CSMD1: variants seen among roughly 807,000 people sequenced by gnomAD.
CSMD1 encodes CUB and Sushi multiple domains 1.
Under a neutral mutation model 417.5 loss-of-function variants are expected in CSMD1, and 213 were observed. That is an observed-to-expected ratio of 0.51 (90% CI 0.46 to 0.57). CSMD1 has a LOEUF of 0.57. Ranked by LOEUF, CSMD1 falls within the 20% of genes least tolerant of loss-of-function variation. The pLI is 0.00. For synonymous variants in CSMD1, 2,862 were observed against 1,736.8 expected (o/e 1.65, Z -16.11); for missense variants, 6,923 against 4,529.7 (o/e 1.53, Z -15.17).
chr8:4,093,937 G>A (rs1231471931), intron 3 of CSMD1, among the ~76,000 whole-genome samples: 2 of 151,594 alleles, frequency 1.3e-5, no homozygotes, highest in East Asian at 3.9e-4. Flanking sequence ...TCCAACCTGA[G>A]CAAAAGAGTG....
intron 3 of CSMD1, among the ~76,000 whole-genome samples, chr8:4,356,440 A>G (rs1447190338): frequency 6.6e-6 from 1 of 152,186 alleles, no homozygotes; most frequent in African/African-American, 2.4e-5. Context: ...ACATGCATGT[A>G]CAAGTATCCT....
chr8:4,620,585 A>C (rs530727291), intron 2 of CSMD1, among the ~76,000 whole-genome samples: 2 of 151,988 alleles, frequency 1.3e-5, no homozygotes, highest in Non-Finnish European at 2.9e-5. Context: ...AGTAGAATTA[A>C]ACGAGAATCT....
Position 2,938,460 on chromosome 8 carries a change from A to T in CSMD1, c.*125T>A. The T allele has an allele frequency of 2.3e-6, 2 of 886,098 alleles. No homozygotes were observed. Among genetic ancestry groups the T allele is most frequent in the Non-Finnish European group, 1.7e-6 (1 of 585,552 alleles). 54.9% of individuals were successfully genotyped at this position (886,098 alleles called of 1,614,324 possible). On this transcript the variant is annotated 3_prime_UTR_variant, in exon 70 of 70. Transcript: ENST00000635120. ...AGATCCCCGCTGCACTTATGCCAGT[A>T]GACAAGGTTGAAGATCGCTGCAGTA...
At chr8:3,208,837 T>G (rs1797444831) in intron 30 of CSMD1, among the ~76,000 whole-genome samples, 1 of 152,158 alleles carries the variant, frequency 6.6e-6, no homozygotes, top group African/African-American at 2.4e-5. Context: ...TTCTTGCCCC[T>G]GAACGTCAAA....
At chr8:3,454,540 T>C (rs556170568) in intron 12 of CSMD1, among the ~76,000 whole-genome samples, 1 of 152,342 alleles carries the variant, frequency 6.6e-6, no homozygotes, top group East Asian at 1.9e-4. Context: ...TTTGCTTGTC[T>C]GTAAAGGATT....
chr8:3,617,973 TA>T (rs1584968554), intron 7 of CSMD1, among the ~76,000 whole-genome samples: 1 of 152,172 alleles, frequency 6.6e-6, no homozygotes, highest in Non-Finnish European at 1.5e-5. Flanking sequence ...AAAATTACCA[TA>T]AAAACAACAG....
At position 4,936,789 on chromosome 8, in the gene CSMD1, A is replaced by G. The variant is rs535083579; in HGVS notation, c.85+57543T>C. 3.9e-5 allele frequency among the ~76,000 whole-genome samples: 6 copies of G among 152,358 alleles called. No homozygotes were observed. The East Asian group carries it at 1.2e-3, about 29-fold the overall frequency. On this transcript the variant is annotated intron_variant, in intron 1 of 69. Coordinates refer to ENST00000635120, the MANE Select transcript of CSMD1 (RefSeq NM_033225.6). The stretch of plus-strand genomic sequence containing the variant: ...ATGTGTTGTCCCTAAAACACACTCA[A>G]ATAAAATATATTAAATGGATTTTAT...
intron 5 of CSMD1, among the ~76,000 whole-genome samples, chr8:3,785,897 A>G (rs962838944): frequency 1.3e-5 from 2 of 152,246 alleles, no homozygotes; most frequent in Non-Finnish European, 1.5e-5. Context: ...CTAAACATTA[A>G]CAAGATTTCT....
intron 18 of CSMD1, among the ~76,000 whole-genome samples, chr8:3,380,562 A>G (rs973650728): frequency 2.6e-5 from 4 of 152,222 alleles, no homozygotes; most frequent in African/African-American, 9.6e-5. Context: ...CGCAGCCATA[A>G]AAAAGGATGA....
chr8:3,672,113 G>C (rs1799101247), intron 7 of CSMD1, among the ~76,000 whole-genome samples: 1 of 152,134 alleles, frequency 6.6e-6, no homozygotes, highest in African/African-American at 2.4e-5. Context: ...AGCGTTCAAG[G>C]TTAGGTGCTG....
At chr8:3,000,824 G>A (rs1293637866) in intron 52 of CSMD1, among the ~76,000 whole-genome samples, 1 of 152,176 alleles carries the variant, frequency 6.6e-6, no homozygotes, top group Non-Finnish European at 1.5e-5. Context: ...AGAACAGGAA[G>A]GAGCGCGAGA....
chr8:2,960,964 A>ATATT (rs1404102887), intron 62 of CSMD1, among the ~76,000 whole-genome samples, 177 bp downstream of exon 62: 2 of 132,248 alleles, frequency 1.5e-5, no homozygotes, highest in Admixed American at 7.2e-5. Flanking sequence ...ATATATATAT[A>ATATT]TACATATATT....
intron 5 of CSMD1, among the ~76,000 whole-genome samples, chr8:3,958,967 T>G (rs951280226): frequency 6.6e-6 from 1 of 152,220 alleles, no homozygotes. Context: ...TTAGGATCTG[T>G]GAGCTCCCGG....
chr8:3,600,229 C>A (rs80166134), intron 8 of CSMD1, among the ~76,000 whole-genome samples: 5,305 of 152,254 alleles, frequency 0.035, 269 homozygotes, highest in Admixed American at 0.13. Flanking sequence ...TCCTTTTCTC[C>A]TTCTCCTCCC....
At chr8:4,755,954 G>C (rs1188720829) in intron 1 of CSMD1, among the ~76,000 whole-genome samples, 1 of 152,044 alleles carries the variant, frequency 6.6e-6, no homozygotes, top group African/African-American at 2.4e-5. Context: ...TGGTTTCATT[G>C]TATTATTAAC....
intron 5 of CSMD1, among the ~76,000 whole-genome samples, chr8:3,864,782 T>G (rs1804968210): frequency 6.6e-6 from 1 of 152,192 alleles, no homozygotes; most frequent in Non-Finnish European, 1.5e-5. Flanking sequence ...TAACTAGATG[T>G]TATTATAGCT....
chr8:3,200,952 G>C, intron 32 of CSMD1, among the ~76,000 whole-genome samples: 1 of 152,172 alleles, frequency 6.6e-6, no homozygotes, highest in East Asian at 1.9e-4. Context: ...CAAATAAGGG[G>C]TAGGTCATCA....
intron 1 of CSMD1, among the ~76,000 whole-genome samples, chr8:4,821,731 T>C (rs1302121689): frequency 4.6e-5 from 7 of 152,114 alleles, no homozygotes; most frequent in Non-Finnish European, 5.9e-5. Flanking sequence ...AAAATGGATG[T>C]TCTTGTGTTA....
At chr8:4,349,633 A>G (rs550282812) in intron 3 of CSMD1, among the ~76,000 whole-genome samples, 3 of 152,280 alleles carry the variant, frequency 2.0e-5, no homozygotes, top group African/African-American at 7.2e-5. Context: ...AAATTTCACA[A>G]TTGCATACCT....
Sources: gnomAD v4.1 joint callset for allele counts (sites outside exome capture counted in the v4.1 genomes callset) on GRCh38, gnomAD v4.1.1 for gene constraint, MANE v1.5 for transcripts, NCBI Gene and HGNC (gene_info 2026-07-23, HGNC 2026-07-21) for gene names.